Variants in DNAH7 observed in about 807,000 individuals in gnomAD.
DNAH7 encodes the protein dynein axonemal heavy chain 7.
DNAH7 carries 397 observed loss-of-function variants against 444.6 expected under a neutral mutation model. The ratio of observed to expected loss-of-function variants is 0.89; its 90% CI spans 0.82 to 0.97. DNAH7 has a LOEUF of 0.97. Among genes scored for constraint, DNAH7 ranks in the 50% least tolerant of loss-of-function variants. The pLI is 0.00. For missense variants in DNAH7, 4,902 were observed against 4,800.8 expected, an observed-to-expected ratio of 1.02 and a Z score of -0.62; for synonymous variants, 1,636 against 1,624.4, an observed-to-expected ratio of 1.01 and a Z score of -0.17.
At chr2:195,747,983 A>C (rs1204473197) in intron 63 of DNAH7, among the ~76,000 whole-genome samples, 1 of 152,230 alleles carries the variant, frequency 6.6e-6, no homozygotes, top group African/African-American at 2.4e-5. Context: ...AGTTCTGGCC[A>C]GGGCAATCAG....
intron 12 of DNAH7, among the ~76,000 whole-genome samples, chr2:195,988,917 A>G (rs964336136): frequency 1.3e-5 from 2 of 152,128 alleles, no homozygotes; most frequent in African/African-American, 4.8e-5. Flanking sequence ...CAGATTCAAC[A>G]TATAAGTGAG....
At chr2:195,752,499 A>G (rs923590154) in intron 63 of DNAH7, among the ~76,000 whole-genome samples, 4 of 152,192 alleles carry the variant, frequency 2.6e-5, no homozygotes, top group African/African-American at 9.6e-5. Context: ...TCTAGATTGA[A>G]GATTCAGAGA....
intron 48 of DNAH7, among the ~76,000 whole-genome samples, chr2:195,828,027 G>A (rs899188066): frequency 1.9e-4 from 29 of 151,906 alleles, no homozygotes; most frequent in African/African-American, 6.3e-4. Flanking sequence ...TTGTAAATTC[G>A]GCCAATCTAG....
At chr2:195,939,598 C>T (rs1689285282) in intron 19 of DNAH7, among the ~76,000 whole-genome samples, 1 of 152,120 alleles carries the variant, frequency 6.6e-6, no homozygotes, top group South Asian at 2.1e-4. Context: ...ACTTTAATTA[C>T]TTTCTGTCTC....
At chr2:195,857,831 G>T (rs1320784193) in intron 43 of DNAH7, 108 bp from the exon 44 acceptor site, 8 of 967,624 alleles carry the variant, frequency 8.3e-6, no homozygotes, top group Non-Finnish European at 1.2e-5. Flanking sequence ...GTGTTCACTG[G>T]GTAGAAATGG....
At chr2:196,058,940 T>C (rs1387883748) in intron 1 of DNAH7, among the ~76,000 whole-genome samples, 1 of 152,166 alleles carries the variant, frequency 6.6e-6, no homozygotes, top group East Asian at 1.9e-4. Context: ...ACTACAAAAC[T>C]ACAGTAATAA....
chr2:195,862,511 C>G (rs1700080283), intron 41 of DNAH7, among the ~76,000 whole-genome samples: 7 of 152,140 alleles, frequency 4.6e-5, no homozygotes, highest in Admixed American at 4.6e-4. Context: ...TAACCAAAGA[C>G]TTCCTAGAAT....
rs140207643 is a variant in DNAH7 at position 195,856,414 on chromosome 2, T to C, written c.8415-423A>G. ...AACAGTTATCCTATAAATACGTATG[T>C]GGTAATAAAAGGAATTATATAGGAA... On this transcript the variant is annotated intron_variant, in intron 44 of 64. Coordinates refer to ENST00000312428, the MANE Select transcript of DNAH7 (RefSeq NM_018897.3). Among the ~76,000 whole-genome samples, 3 of 152,288 alleles carry C rather than the reference T, an allele frequency of 2.0e-5. No individual in the cohort carries two copies. In the East Asian group the frequency reaches 5.8e-4, roughly 29 times the overall value.
intron 63 of DNAH7, among the ~76,000 whole-genome samples, chr2:195,745,377 C>G (rs971606668): frequency 8.5e-5 from 13 of 152,322 alleles, no homozygotes; most frequent in African/African-American, 7.2e-5. Context: ...ATCTACGTCT[C>G]ATTGGTGTAC....
At chr2:195,806,883 C>T (rs758367691) in intron 53 of DNAH7, 51 bp from the exon 54 acceptor site, 108 of 1,466,220 alleles carry the variant, frequency 7.4e-5, no homozygotes, top group Non-Finnish European at 1.0e-4. Flanking sequence ...ATAAAGAGAA[C>T]AGTATTTTCA....
intron 54 of DNAH7, among the ~76,000 whole-genome samples, chr2:195,801,829 G>A (rs762481957): frequency 2.6e-5 from 4 of 152,182 alleles, no homozygotes; most frequent in Non-Finnish European, 4.4e-5. Context: ...GAGACTGAGT[G>A]TGTTAGGGTG....
At chr2:196,028,397 T>C (rs1695825010) in intron 5 of DNAH7, among the ~76,000 whole-genome samples, 2 of 152,164 alleles carry the variant, frequency 1.3e-5, no homozygotes, top group African/African-American at 4.8e-5. Context: ...TGGTTATTTA[T>C]AGATATGAGT....
chr2:196,067,528 T>C (rs1178598821), intron 1 of DNAH7, among the ~76,000 whole-genome samples: 1 of 152,214 alleles, frequency 6.6e-6, no homozygotes, highest in Non-Finnish European at 1.5e-5. Context: ...CTTTAGCATA[T>C]GAATCAGTGT....
chr2:195,752,173 G>A (rs1474196105), intron 63 of DNAH7, among the ~76,000 whole-genome samples: 1 of 151,992 alleles, frequency 6.6e-6, no homozygotes, highest in African/African-American at 2.4e-5. Context: ...TCAGGAGGCT[G>A]AGTGGGAGGA....
intron 15 of DNAH7, among the ~76,000 whole-genome samples, chr2:195,980,826 AC>A (rs927812339): frequency 1.3e-5 from 2 of 150,974 alleles, no homozygotes; most frequent in African/African-American, 2.4e-5. Context: ...AAAAAAAAAA[AC>A]CCTCAAAAAT....
intron 30 of DNAH7, among the ~76,000 whole-genome samples, chr2:195,892,167 T>C (rs1488476574): frequency 1.3e-5 from 2 of 152,200 alleles, no homozygotes; most frequent in Non-Finnish European, 2.9e-5. Flanking sequence ...GCTTTGCAAG[T>C]TTCATATCAT....
intron 13 of DNAH7, among the ~76,000 whole-genome samples, chr2:195,987,466 T>C (rs1008524726): frequency 6.6e-6 from 1 of 152,094 alleles, no homozygotes; most frequent in African/African-American, 2.4e-5. Context: ...TGAATTACTG[T>C]ATTGCTAAAT....
chr2:195,804,433 A>G (rs565344562), intron 54 of DNAH7, among the ~76,000 whole-genome samples: 27 of 152,322 alleles, frequency 1.8e-4, no homozygotes, highest in Non-Finnish European at 3.1e-4. Flanking sequence ...TATTAAGGAC[A>G]TGAGTGTGGA....
chr2:196,060,074 C>T (rs1002976546), intron 1 of DNAH7, among the ~76,000 whole-genome samples: 7 of 151,980 alleles, frequency 4.6e-5, no homozygotes, highest in African/African-American at 9.7e-5. Context: ...AACAATTAGC[C>T]GGGTGTGGTG....
Sources: gnomAD v4.1 joint callset for allele counts (sites outside exome capture counted in the v4.1 genomes callset) on GRCh38, gnomAD v4.1.1 for gene constraint, MANE v1.5 for transcripts, NCBI Gene and HGNC (gene_info 2026-07-23, HGNC 2026-07-21) for gene names.